Variants in C9orf57 observed in about 807,000 individuals in gnomAD.
The protein encoded by C9orf57 is chromosome 9 open reading frame 57.
A neutral mutation model predicts 12.9 loss-of-function variants in C9orf57; 12 were observed. That is an observed-to-expected ratio of 0.93 (90% confidence interval 0.60 to 1.51). The LOEUF is 1.51. C9orf57 is among the 40% of genes most tolerant of loss of function. The pLI is 0.00. For missense variants in C9orf57, 141 were observed against 162.8 expected, an observed-to-expected ratio of 0.87 and a Z score of 0.73; for synonymous variants, 49 against 57.1, an observed-to-expected ratio of 0.86 and a Z score of 0.64.
chr9:72,060,039 T>C (rs780998339), intron 1 of C9orf57, among the ~76,000 whole-genome samples: 1 of 151,596 alleles, frequency 6.6e-6, no homozygotes. Context: ...TGCTCCTTTA[T>C]GAATTATTAT....
rs1209110682 is a variant in C9orf57, at chr9:72,052,181, C to A, written c.*115G>T. 1 of 1,180,364 alleles carries A rather than the reference C, an allele frequency of 8.5e-7. No homozygotes were observed. Among genetic ancestry groups the A allele is most frequent in the African/African-American group, 1.6e-5 (1 of 64,278 alleles). 73.1% of individuals were successfully genotyped at this position (1,180,364 alleles called of 1,614,324 possible). On this transcript the variant is annotated 3_prime_UTR_variant, in exon 5 of 5. Transcript: ENST00000651200. ...TTCAGATCAAAATTCCTTCTACCTA[C>A]AAGGGTCTGAGGTTTCTGAAGTGGG...
At chr9:72,057,804 T>C (rs1226944574) in intron 2 of C9orf57, among the ~76,000 whole-genome samples, 1 of 152,216 alleles carries the variant, frequency 6.6e-6, no homozygotes, top group Non-Finnish European at 1.5e-5. Flanking sequence ...TGAATATTTA[T>C]TGCTTCATTA....
At chr9:72,059,573 C>T (rs1412014727) in intron 1 of C9orf57, among the ~76,000 whole-genome samples, 189 bp from the exon 2 acceptor site, 3 of 152,202 alleles carry the variant, frequency 2.0e-5, no homozygotes, top group African/African-American at 7.2e-5. Context: ...GTATTCCCAA[C>T]GCTTTGGGAG....
intron 4 of C9orf57, among the ~76,000 whole-genome samples, chr9:72,054,246 C>T: frequency 6.6e-6 from 1 of 152,232 alleles, no homozygotes; most frequent in East Asian, 1.9e-4. Context: ...GATCTGCCTG[C>T]CTTGGTTTCC....
At position 72,059,347 on chromosome 9, in the gene C9orf57, G is replaced by A. The variant is rs754824777; in HGVS notation, c.-16C>T. On this transcript the variant is annotated 5_prime_UTR_variant, in exon 2 of 5. Coordinates refer to ENST00000651200, the MANE Select transcript of C9orf57 (RefSeq NM_001128618.2). Reference sequence around the variant, plus strand: ...TCCTTCTCATTCTGATTTCCAAGCCGAAAAGGAGATGAAAGGAAAGACACG... The same window carrying A: ...TCCTTCTCATTCTGATTTCCAAGCCAAAAAGGAGATGAAAGGAAAGACACG... 233 of 1,551,500 alleles carry A rather than the reference G, an allele frequency of 1.5e-4. No homozygotes were observed. Among genetic ancestry groups the A allele is most frequent in the Non-Finnish European group, 1.9e-4 (222 of 1,147,016 alleles).
Position 72,059,513 on chromosome 9 carries a change from C to A in C9orf57, c.-53-129G>T, listed in dbSNP as rs1182581724. 11 of 1,163,334 alleles carry A rather than the reference C, an allele frequency of 9.5e-6. No homozygotes were observed. In the Admixed American group the frequency reaches 3.1e-4, roughly 33 times the overall value. 72.1% of individuals were successfully genotyped at this position (1,163,334 alleles called of 1,614,324 possible). A position where few individuals can be genotyped will look rare whatever the true frequency, so the allele number is the denominator to read the frequency against. On this transcript the variant is annotated intron_variant, in intron 1 of 4. Coordinates refer to ENST00000651200, the MANE Select transcript of C9orf57 (RefSeq NM_001128618.2). ...TTGTGAAGGAGGAAAAATAAGGTACCTGTCTTTATAAAAAAGTCACCATAT... is the reference window on the plus strand; with the variant it reads ...TTGTGAAGGAGGAAAAATAAGGTACATGTCTTTATAAAAAAGTCACCATAT...
chr9:72,058,079 C>T (rs1824245118), intron 2 of C9orf57, among the ~76,000 whole-genome samples: 1 of 152,308 alleles, frequency 6.6e-6, no homozygotes, highest in Non-Finnish European at 1.5e-5. Flanking sequence ...TATTTTAGAT[C>T]TGCAGAAATA....
chr9:72,051,545 G>A lies in C9orf57; in HGVS notation c.*751C>T, dbSNP rs780515563. 1.3e-5 allele frequency: 2 copies of A among 152,174 alleles called. No individual in the cohort carries two copies. Among genetic ancestry groups the A allele is most frequent in the Non-Finnish European group, 2.9e-5 (2 of 68,034 alleles). The allele number at this position is 152,174 out of a possible 1,614,324, so 9.4% of individuals were successfully genotyped here. A position where few individuals can be genotyped will look rare whatever the true frequency, so the allele number is the denominator to read the frequency against. On this transcript the variant is annotated 3_prime_UTR_variant, in exon 5 of 5. Coordinates refer to ENST00000651200, the MANE Select transcript of C9orf57 (RefSeq NM_001128618.2). ...TAATGATCGCAAAATGGGAAATGTAGTTCAAAGTACGTTCCTACTCCTTTT... is the reference window on the plus strand; with the variant it reads ...TAATGATCGCAAAATGGGAAATGTAATTCAAAGTACGTTCCTACTCCTTTT...
intron 4 of C9orf57, among the ~76,000 whole-genome samples, chr9:72,054,033 T>C (rs936118019): frequency 6.6e-6 from 1 of 152,228 alleles, no homozygotes; most frequent in Admixed American, 6.5e-5. Context: ...TGTTTCGCTC[T>C]TGTTGCCCAT....
chr9:72,059,807 C>T (rs575368114), intron 1 of C9orf57, among the ~76,000 whole-genome samples: 7 of 151,936 alleles, frequency 4.6e-5, no homozygotes, highest in African/African-American at 1.4e-4. Flanking sequence ...GGGGACAGAG[C>T]GAGACTGTAA....
Position 72,052,263 on chromosome 9 carries a change from A to G in C9orf57, c.*33T>C. 6.5e-7 allele frequency: 1 copy of G among 1,549,184 alleles called. No individual in the cohort carries two copies. The stretch of plus-strand genomic sequence containing the variant: ...CCAGGTCAGGCTTCGAGACTGATTG[A>G]TCTGCCAAGCATTTTAGATATGGGC... On this transcript the variant is annotated 3_prime_UTR_variant, in exon 5 of 5. Transcript: ENST00000651200.
intron 2 of C9orf57, among the ~76,000 whole-genome samples, chr9:72,058,610 G>T (rs1379885525): frequency 2.0e-5 from 3 of 152,136 alleles, no homozygotes; most frequent in Non-Finnish European, 4.4e-5. Flanking sequence ...TCCACTATAT[G>T]ATGACCACTG....
rs1161301685 is a variant in C9orf57, at chr9:72,055,374, CTCCTTCCT to C, written c.280+692_280+699del. ...ATTCTTTCCCTCCCTCCCTCCCTCCCTCCTTCCTTCCTTCCTTCCTTCCTTCCTTCCTT... is the reference window on the plus strand; with the variant it reads ...ATTCTTTCCCTCCCTCCCTCCCTCCCTCCTTCCTTCCTTCCTTCCTTCCTT... On this transcript the variant is annotated intron_variant, in intron 4 of 4. Transcript: ENST00000651200. 3.3e-3 allele frequency among the ~76,000 whole-genome samples: 192 copies of C among 58,102 alleles called. 3 individuals carry two copies. Among genetic ancestry groups the C allele is most frequent in the South Asian group, 0.013 (14 of 1,056 alleles). 38.1% of individuals were successfully genotyped at this position (58,102 alleles called of 152,430 possible). A position where few individuals can be genotyped will look rare whatever the true frequency, so the allele number is the denominator to read the frequency against.
chr9:72,057,251 G>A (rs968261078), intron 2 of C9orf57, among the ~76,000 whole-genome samples: 3 of 151,280 alleles, frequency 2.0e-5, no homozygotes, highest in East Asian at 1.9e-4. Context: ...TTTTGAGATG[G>A]AATTTCACTC....
At chr9:72,054,160 G>A (rs1216392556) in intron 4 of C9orf57, among the ~76,000 whole-genome samples, 3 of 152,108 alleles carry the variant, frequency 2.0e-5, no homozygotes, top group Non-Finnish European at 2.9e-5. Context: ...CACCACACCC[G>A]GCTAATTTTG....
Position 72,057,373 on chromosome 9 carries a change from A to G in C9orf57, c.98-530T>C, listed in dbSNP as rs558761736. Reference sequence around the variant, plus strand: ...CCTGAGTAGCTGGGATTACAGGTGCACACCACCAGGCCCGGCTAATATTTT... The same window carrying G: ...CCTGAGTAGCTGGGATTACAGGTGCGCACCACCAGGCCCGGCTAATATTTT... On this transcript the variant is annotated intron_variant, in intron 2 of 4. Coordinates refer to ENST00000651200, the MANE Select transcript of C9orf57 (RefSeq NM_001128618.2). Among the ~76,000 whole-genome samples, 64 of 151,950 alleles carry G rather than the reference A, an allele frequency of 4.2e-4. 1 individual carries two copies. Among genetic ancestry groups the G allele is most frequent in the South Asian group, 3.5e-3 (17 of 4,814 alleles).
intron 2 of C9orf57, among the ~76,000 whole-genome samples, chr9:72,058,168 C>CT (rs1324488244): frequency 9.3e-5 from 14 of 151,074 alleles, no homozygotes; most frequent in South Asian, 4.2e-4. Flanking sequence ...AGGGATCTTT[C>CT]TTTTTTTTTA....
chr9:72,051,549 A>G lies in C9orf57; in HGVS notation c.*747T>C, dbSNP rs1824082498. The G allele has an allele frequency of 6.6e-6, 1 of 152,240 alleles. No individual in the cohort carries two copies. The highest frequency in any genetic ancestry group is 2.4e-5 in the African/African-American group (1 of 41,462). 9.4% of individuals were successfully genotyped at this position (152,240 alleles called of 1,614,324 possible). On this transcript the variant is annotated 3_prime_UTR_variant, in exon 5 of 5. Transcript: ENST00000651200. Reference sequence around the variant, plus strand: ...GATCGCAAAATGGGAAATGTAGTTCAAAGTACGTTCCTACTCCTTTTAAAT... The same window carrying G: ...GATCGCAAAATGGGAAATGTAGTTCGAAGTACGTTCCTACTCCTTTTAAAT...
In C9orf57 at chr9:72,060,519, A is replaced by G. The variant is rs1824314360; in HGVS notation, c.-76T>C. On this transcript the variant is annotated 5_prime_UTR_variant, in exon 1 of 5. Coordinates refer to ENST00000651200, the MANE Select transcript of C9orf57 (RefSeq NM_001128618.2). Reference sequence around the variant, plus strand: ...TACCTATCTTTTTCATTAAGGTACTATGGAAATTTTCCTGGGTCTGAACTT... The same window carrying G: ...TACCTATCTTTTTCATTAAGGTACTGTGGAAATTTTCCTGGGTCTGAACTT... 6.5e-7 allele frequency: 1 copy of G among 1,530,948 alleles called. No homozygotes were observed. The allele number at this position is 1,530,948 out of a possible 1,614,324, so 94.8% of individuals were successfully genotyped here.
Sources: gnomAD v4.1 joint callset for allele counts (sites outside exome capture counted in the v4.1 genomes callset) on GRCh38, gnomAD v4.1.1 for gene constraint, MANE v1.5 for transcripts, NCBI Gene and HGNC (gene_info 2026-07-23, HGNC 2026-07-21) for gene names.